TTN: variants seen among roughly 807,000 people sequenced by gnomAD.
TTN encodes connectin.
A neutral mutation model predicts 3,223.0 loss-of-function variants in TTN; 1,525 were observed. The ratio of observed to expected loss-of-function variants is 0.47; its 90% CI spans 0.45 to 0.49. TTN has a LOEUF of 0.49. Ranked by LOEUF, TTN falls within the 20% of genes least tolerant of loss-of-function variation. TTN has a pLI of 0.00. For synonymous variants in TTN, 14,094 were observed against 15,161.0 expected (o/e 0.93, Z 5.17); for missense variants, 40,786 against 43,424.0 (o/e 0.94, Z 5.40).
Position 178,599,314 on chromosome 2 carries a change from C to A in TTN, c.56479G>T (p.Ala18827Ser), listed in dbSNP as rs1280578786. 1.2e-6 allele frequency: 2 copies of A among 1,609,884 alleles called. No individual in the cohort carries two copies. The highest frequency in any genetic ancestry group is 2.7e-5 in the African/African-American group (2 of 74,678). Residue 18827 changes from alanine (A) to serine (S), a missense_variant, in exon 290 of 363, where the codon GCT (alanine) becomes TCT (serine). Ala to Ser is a moderately conservative substitution (Grantham distance 99). Coordinates refer to ENST00000589042, the MANE Select transcript of TTN (RefSeq NM_001267550.2). ...ACATGGACCCATGTCTTCCTGTTAG[C>A]TTCTCTTTTCTCAATTACATAGTTT... ...ITNYVIEKREANRKTWVHVSS... is the reference protein window; with the variant it reads ...ITNYVIEKRESNRKTWVHVSS...
Position 178,550,103 on chromosome 2 carries a change from G to C in TTN, c.91735C>G (p.Leu30579Val). The C allele has an allele frequency of 6.2e-7, 1 of 1,613,824 alleles. No homozygotes were observed. The highest frequency in any genetic ancestry group is 8.5e-7 in the Non-Finnish European group (1 of 1,179,780). Residue 30579 changes from leucine to valine, a missense_variant, in exon 337 of 363, where the codon CTT becomes GTT. Physicochemically the swap from Leu to Val is conservative, Grantham distance 32. Coordinates refer to ENST00000589042, the MANE Select transcript of TTN (RefSeq NM_001267550.2). ...CTAACAAATAGGCTGGTGGATCCAA[G>C]TACGTCGGTTATTTCCATATTCATC... ...KRMNMEITDVLGSTSLFVRDA... is the reference protein window; with the variant it reads ...KRMNMEITDVVGSTSLFVRDA...
Position 178,780,087 on chromosome 2 carries a change from A to G in TTN, c.3642T>C (p.Tyr1214=). ...ETAPGFVYSE[Y]EKEYEKEQAL... The stretch of plus-strand genomic sequence containing the variant: ...CTTGTTCTTTTTCATACTCTTTTTC[A>G]TACTCAGAGTATACAAATCCAGGTG... Residue 1214 remains tyrosine, a synonymous_variant, in exon 22 of 363, where the codon TAT becomes TAC. Transcript: ENST00000589042. 3 of 1,613,752 alleles carry G rather than the reference A, an allele frequency of 1.9e-6. No individual in the cohort carries two copies. The South Asian group carries it at 3.3e-5, about 18-fold the overall frequency.
At position 178,766,389 on chromosome 2, in the gene TTN, T is replaced by G. The variant is rs537306539; in HGVS notation, c.9695A>C (p.Tyr3232Ser). 6.2e-7 allele frequency: 1 copy of G among 1,610,870 alleles called. No homozygotes were observed. Among genetic ancestry groups the G allele is most frequent in the African/African-American group, 1.3e-5 (1 of 74,960 alleles). ...AGRNRSSVTL[Y>S]VNAPEPPQVL... The stretch of plus-strand genomic sequence containing the variant: ...AATCTGTCCCTACATACCATTGACA[T>G]AGAGAGTGACAGAACTCCTGTTCCT... Residue 3232 changes from tyrosine (Y) to serine (S), a missense_variant, in exon 41 of 363, where the codon TAT becomes TCT. Tyr to Ser is a moderately radical substitution (Grantham distance 144). Coordinates refer to ENST00000589042, the MANE Select transcript of TTN (RefSeq NM_001267550.2).
At chr2:178,713,417 C>CAAAACAAAACAAAAAAAA in intron 92 of TTN, 45 bp from the exon 93 acceptor site, 2 of 1,316,310 alleles carry the variant, frequency 1.5e-6, no homozygotes, top group Non-Finnish European at 2.0e-6. Flanking sequence ...ACAAAAAAAA[C>CAAAACAAAACAAAAAAAA]AAAGGACAAC....
Position 178,565,329 on chromosome 2 carries a change from T to C in TTN, c.80803A>G (p.Thr26935Ala). The change falls in exon 326 of 363, where the codon ACT becomes GCT. Residue 26935 changes from threonine (T) to alanine (A), a missense_variant. Coordinates refer to ENST00000589042, the MANE Select transcript of TTN (RefSeq NM_001267550.2). ...RVNVEETATS[T>A]VLHIKEGNKD... is the part of the protein sequence containing the mutation. Reference sequence around the variant, plus strand: ...TTACCTTCTTTAATGTGCAAAACAGTTGAGGTAGCTGTTTCTTCAACGTTT... The same window carrying C: ...TTACCTTCTTTAATGTGCAAAACAGCTGAGGTAGCTGTTTCTTCAACGTTT... 6.2e-7 allele frequency: 1 copy of C among 1,613,706 alleles called. No individual in the cohort carries two copies. The highest frequency in any genetic ancestry group is 8.5e-7 in the Non-Finnish European group (1 of 1,179,690).
At position 178,561,042 on chromosome 2, in the gene TTN, G is replaced by A. The variant is rs770038577; in HGVS notation, c.85090C>T (p.Arg28364Ter). The A allele has an allele frequency of 1.2e-6, 2 of 1,613,602 alleles. No individual in the cohort carries two copies. Among genetic ancestry groups the A allele is most frequent in the Non-Finnish European group, 8.5e-7 (1 of 1,179,800 alleles). Residue 28364 changes from arginine to a stop codon, truncating the protein, a stop_gained, in exon 326 of 363, where the codon CGA becomes TGA. Coordinates refer to ENST00000589042, the MANE Select transcript of TTN (RefSeq NM_001267550.2). LOFTEE classifies it high-confidence loss of function. ...PPRVMMDVKF[R>*]DVIVVKAGEV... ...CCAGCTTTGACAACAATAACGTCTC[G>A]GAACTTGACATCCATCATAACTCTT...
rs786205293 is a variant in TTN at position 178,534,290 on chromosome 2, C to T, written c.102325G>A (p.Ala34109Thr). ...KKDLNMVVSAARISCGGAIRS... is the reference protein window; with the variant it reads ...KKDLNMVVSATRISCGGAIRS... The stretch of plus-strand genomic sequence containing the variant: ...ATTGCACCACCACAGGAGATCCGGG[C>T]TGCTGACACAACCATGTTGAGGTCT... Residue 34109 changes from alanine to threonine, a missense_variant, in exon 358 of 363, where the codon GCC becomes ACC. Coordinates refer to ENST00000589042, the MANE Select transcript of TTN (RefSeq NM_001267550.2). 6 of 1,613,866 alleles carry T rather than the reference C, an allele frequency of 3.7e-6. No individual in the cohort carries two copies. Among genetic ancestry groups the T allele is most frequent in the East Asian group, 4.5e-5 (2 of 44,880 alleles).
chr2:178,604,509 A>G lies in TTN; in HGVS notation c.54381+199T>C, dbSNP rs1035988541. Among the ~76,000 whole-genome samples the G allele has an allele frequency of 7.9e-5, 12 of 152,020 alleles. 1 individual carries two copies. The South Asian group carries it at 2.3e-3, about 29-fold the overall frequency. On this transcript the variant is annotated intron_variant, in intron 281 of 362. Coordinates refer to ENST00000589042, the MANE Select transcript of TTN (RefSeq NM_001267550.2). ...GTATTGTACCTGATAGTGGATCTCA[A>G]TTAAAAGAGTATCTGTGTATCAAAC...
rs201991864 is a variant in TTN, at chr2:178,682,838, G to A, written c.32953C>T (p.Arg10985Trp). Reference sequence around the variant, plus strand: ...TCATATTCCTCATATTCTTCTTCCCGTTGTACTGAAACAGCTTCTTCTTCT... The same window carrying A: ...TCATATTCCTCATATTCTTCTTCCCATTGTACTGAAACAGCTTCTTCTTCT... ...TLEEEAVSVQ[R>W]EEEYEEYEEY... The change falls in exon 135 of 363, where the codon CGG (arginine) becomes TGG (tryptophan). Residue 10985 changes from arginine (R) to tryptophan (W), a missense_variant. Coordinates refer to ENST00000589042, the MANE Select transcript of TTN (RefSeq NM_001267550.2). 1.5e-4 allele frequency: 234 copies of A among 1,612,204 alleles called. No homozygotes were observed. Among genetic ancestry groups the A allele is most frequent in the Admixed American group, 2.8e-4 (17 of 59,854 alleles).
At position 178,594,022 on chromosome 2, in the gene TTN, G is replaced by A. The variant is rs749167827; in HGVS notation, c.58371C>T (p.Tyr19457=). 36 of 1,613,426 alleles carry A rather than the reference G, an allele frequency of 2.2e-5. No homozygotes were observed. The highest frequency in any genetic ancestry group is 2.9e-5 in the Non-Finnish European group (34 of 1,179,666). Residue 19457 remains tyrosine, a synonymous_variant, in exon 297 of 363, where the codon TAC becomes TAT. Transcript: ENST00000589042. The part of the protein sequence containing the change: ...IKAKRSDSGK[Y]CVVVENSTGS... ...CTGTACTGTTCTCCACAACCACACA[G>A]TATTTGCCGGAATCTGAACGTTTGG...
In TTN at chr2:178,570,259, A is replaced by G. The variant is rs758634214; in HGVS notation, c.75873T>C (p.Leu25291=). ...AVNKYGVGEP[L]ESEPVVAKNP... ...TCTTGGCAACTACTGGCTCAGATTC[A>G]AGAGGTTCACCAACACCATATTTGT... Residue 25291 remains leucine (L), a synonymous_variant, in exon 326 of 363, where the codon CTT becomes CTC. Transcript: ENST00000589042. 2 of 1,613,366 alleles carry G rather than the reference A, an allele frequency of 1.2e-6. No individual in the cohort carries two copies. The highest frequency in any genetic ancestry group is 3.3e-5 in the Admixed American group (2 of 59,960).
At chr2:178,640,174 A>G in intron 221 of TTN, 64 bp from the exon 222 acceptor site, 1 of 1,479,434 alleles carries the variant, frequency 6.8e-7, no homozygotes, top group Non-Finnish European at 9.3e-7. Flanking sequence ...ACAAAGTCAA[A>G]ACTAAAATTA....
At chr2:178,680,358 T>C in intron 138 of TTN, 27 bp from the exon 139 acceptor site, 5 of 1,596,466 alleles carry the variant, frequency 3.1e-6, no homozygotes, top group Non-Finnish European at 4.3e-6. Context: ...TAAGGAAATT[T>C]TATTGTCAGT....
At position 178,768,065 on chromosome 2, in the gene TTN, T is replaced by C; in HGVS notation, c.9254A>G (p.Asp3085Gly). 1 of 1,614,144 alleles carries C rather than the reference T, an allele frequency of 6.2e-7. No homozygotes were observed. Among genetic ancestry groups the C allele is most frequent in the Non-Finnish European group, 8.5e-7 (1 of 1,180,010 alleles). Reference sequence around the variant, plus strand: ...ATCTTTCATCCACTGTACAGTGATGTCAGGTTCAGAAACTTCACATTCAAA... The same window carrying C: ...ATCTTTCATCCACTGTACAGTGATGCCAGGTTCAGAAACTTCACATTCAAA... Reference protein sequence around the residue: ...AMFECEVSEPDITVQWMKDDQ... With the variant: ...AMFECEVSEPGITVQWMKDDQ... Residue 3085 changes from aspartate to glycine, a missense_variant, in exon 39 of 363, where the codon GAC becomes GGC. By Grantham distance (94) the Asp-to-Gly change is moderately conservative. Transcript: ENST00000589042.
At position 178,625,290 on chromosome 2, in the gene TTN, G is replaced by C. The variant is rs1053826157; in HGVS notation, c.44531C>G (p.Ala14844Gly). Residue 14844 changes from alanine to glycine, a missense_variant, in exon 241 of 363, where the codon GCC (alanine) becomes GGC (glycine). By Grantham distance (60) the Ala-to-Gly change is moderately conservative. Transcript: ENST00000589042. Reference sequence around the variant, plus strand: ...GTAATTACCTTTCACAAAGAGGTTGGCGTGAGTTTTGAAATCTTTTGCTGT... The same window carrying C: ...GTAATTACCTTTCACAAAGAGGTTGCCGTGAGTTTTGAAATCTTTTGCTGT... ...QLTAKDFKTH[A>G]NLFVKEPPVE... 3 of 1,606,004 alleles carry C rather than the reference G, an allele frequency of 1.9e-6. No homozygotes were observed. Among genetic ancestry groups the C allele is most frequent in the Non-Finnish European group, 1.7e-6 (2 of 1,176,268 alleles).
chr2:178,747,959 C>T (rs1423179867), intron 47 of TTN: 1 of 1,613,038 alleles, frequency 6.2e-7, no homozygotes, highest in Non-Finnish European at 8.5e-7. Context: ...CTGAACATCA[C>T]CTCTGTGGTC....
At position 178,601,541 on chromosome 2, in the gene TTN, G is replaced by C; in HGVS notation, c.55456C>G (p.Leu18486Val). The C allele has an allele frequency of 1.2e-6, 2 of 1,612,128 alleles. No individual in the cohort carries two copies. Among genetic ancestry groups the C allele is most frequent in the Non-Finnish European group, 1.7e-6 (2 of 1,178,768 alleles). ...VMDVPGPPKD[L>V]KVSDITRGSC... ...CCCCTTGTGATATCACTGACTTTCA[G>C]ATCTTTGGGTGGGCCTGGTACATCT... is the stretch of plus-strand genomic sequence containing the variant. The change falls in exon 287 of 363, where the codon CTG becomes GTG. Residue 18486 changes from leucine (L) to valine (V), a missense_variant. Physicochemically the swap from Leu to Val is conservative, Grantham distance 32. Transcript: ENST00000589042.
rs528188711 is a variant in TTN, at chr2:178,529,395, T to C, written c.106532-176A>G. On this transcript the variant is annotated intron_variant, in intron 359 of 362. Coordinates refer to ENST00000589042, the MANE Select transcript of TTN (RefSeq NM_001267550.2). ...TTTGGAAAATTATCATGTGTGACTT[T>C]TGAGATCACTGTAATGATTCCTTAA... The C allele has an allele frequency of 6.3e-6, 3 of 473,732 alleles. No homozygotes were observed. The South Asian group carries it at 1.6e-4, about 25-fold the overall frequency. The allele number at this position is 473,732 out of a possible 1,614,324, so 29.3% of individuals were successfully genotyped here.
At position 178,599,077 on chromosome 2, in the gene TTN, A is replaced by G; in HGVS notation, c.56648-15T>C. 10 of 1,523,616 alleles carry G rather than the reference A, an allele frequency of 6.6e-6. No individual in the cohort carries two copies. The highest frequency in any genetic ancestry group is 1.4e-5 in the African/African-American group (1 of 71,544). The allele number at this position is 1,523,616 out of a possible 1,614,324, so 94.4% of individuals were successfully genotyped here. On this transcript the variant is annotated splice_polypyrimidine_tract_variant and intron_variant, in intron 290 of 362. Transcript: ENST00000589042. ...TCCAGGGACAGCTGTGAAAAAGATC[A>G]TATTGATTATAAGAAATTTAAAAAA...
Sources: allele counts gnomAD v4.1 joint callset (sites outside exome capture counted in the v4.1 genomes callset), GRCh38; gene constraint gnomAD v4.1.1; transcripts MANE v1.5; gene names NCBI Gene and HGNC (gene_info 2026-07-23, HGNC 2026-07-21).